WDR25: variants seen among roughly 807,000 people sequenced by gnomAD.
WDR25 encodes the protein WD repeat domain 25.
In WDR25, 35 loss-of-function variants were observed where a neutral mutation model predicts 47.7. The ratio of observed to expected loss-of-function variants is 0.73; its 90% confidence interval spans 0.56 to 0.97. The LOEUF is 0.97. Ranked by LOEUF, WDR25 falls within the 50% of genes least tolerant of loss-of-function variation. The pLI, the probability that WDR25 is intolerant of heterozygous loss-of-function variation, is 0.00. For synonymous variants in WDR25, 248 were observed against 278.9 expected (o/e 0.89, Z 1.10); for missense variants, 634 against 704.7 (o/e 0.90, Z 1.14).
At chr14:100,485,788 C>T (rs928988525) in intron 4 of WDR25, among the ~76,000 whole-genome samples, 30 of 152,150 alleles carry the variant, frequency 2.0e-4, no homozygotes, top group Admixed American at 1.8e-3. Flanking sequence ...TGGCTGGCAC[C>T]GGAAGACCCT....
intron 2 of WDR25, among the ~76,000 whole-genome samples, chr14:100,385,754 C>A (rs1231749114): frequency 6.6e-6 from 1 of 152,142 alleles, no homozygotes; most frequent in South Asian, 2.1e-4. Context: ...GCACGGATAC[C>A]CTTTTATATA....
At chr14:100,438,318 T>C (rs1008476424) in intron 2 of WDR25, among the ~76,000 whole-genome samples, 7 of 152,230 alleles carry the variant, frequency 4.6e-5, no homozygotes, top group African/African-American at 1.7e-4. Context: ...CCAATGAAGA[T>C]ATGACTCTTA....
chr14:100,443,341 C>A (rs2140250017), intron 2 of WDR25, among the ~76,000 whole-genome samples: 1 of 151,736 alleles, frequency 6.6e-6, no homozygotes, highest in Admixed American at 6.6e-5. Flanking sequence ...AAAGGAGAGT[C>A]ACACACAAGC....
intron 2 of WDR25, among the ~76,000 whole-genome samples, chr14:100,416,434 C>T (rs1006455692): frequency 1.3e-5 from 2 of 152,226 alleles, no homozygotes; most frequent in Admixed American, 6.5e-5. Context: ...GCAAACCAAC[C>T]CATGTCACCG....
At chr14:100,411,736 G>A (rs926533733) in intron 2 of WDR25, among the ~76,000 whole-genome samples, 6 of 152,004 alleles carry the variant, frequency 3.9e-5, no homozygotes, top group Non-Finnish European at 8.8e-5. Flanking sequence ...AGGTTTCACC[G>A]TGTTGGCCAG....
chr14:100,450,896 A>G (rs1356291773), intron 2 of WDR25, among the ~76,000 whole-genome samples: 1 of 152,150 alleles, frequency 6.6e-6, no homozygotes, highest in Admixed American at 6.5e-5. Context: ...AAAGCACTTC[A>G]CAGTCCCTAC....
chr14:100,435,235 G>A (rs1898465239), intron 2 of WDR25, among the ~76,000 whole-genome samples: 1 of 152,196 alleles, frequency 6.6e-6, no homozygotes, highest in Admixed American at 6.5e-5. Context: ...TGAATGACGG[G>A]TGTACTTGCT....
chr14:100,411,537 C>CT (rs766546637), intron 2 of WDR25, among the ~76,000 whole-genome samples: 6,564 of 143,006 alleles, frequency 0.046, 226 homozygotes, highest in East Asian at 0.13. Flanking sequence ...TTGCTTTTTG[C>CT]TTTTTTTTTT....
At chr14:100,452,339 C>T (rs1899063192) in intron 2 of WDR25, among the ~76,000 whole-genome samples, 1 of 152,170 alleles carries the variant, frequency 6.6e-6, no homozygotes, top group African/African-American at 2.4e-5. Flanking sequence ...GTGTCCTTAC[C>T]CCCATGGAAC....
chr14:100,526,678 T>C (rs75269532), intron 5 of WDR25, among the ~76,000 whole-genome samples: 3,204 of 150,964 alleles, frequency 0.021, 105 homozygotes, highest in African/African-American at 0.065. Context: ...ACCACCAGTG[T>C]CATCACTGCC....
rs1897460420 is a variant in WDR25 at position 100,404,064 on chromosome 14, G to A, written c.822+22318G>A. Among the ~76,000 whole-genome samples the A allele has an allele frequency of 6.6e-6, 1 of 152,220 alleles. No individual in the cohort carries two copies. Among genetic ancestry groups the A allele is most frequent in the Non-Finnish European group, 1.5e-5 (1 of 68,048 alleles). On this transcript the variant is annotated intron_variant, in intron 2 of 6. Transcript: ENST00000402312. This position sits in a 1 kb window ranked among gnomAD's most constrained non-coding sequence, Gnocchi z 4.6. Reference sequence around the variant, plus strand: ...AGTATCACAAGAGCTCAAGGTGGCTGCTCCCTGACATTCACTTTTGGTAGC... The same window carrying A: ...AGTATCACAAGAGCTCAAGGTGGCTACTCCCTGACATTCACTTTTGGTAGC...
intron 1 of WDR25, among the ~76,000 whole-genome samples, chr14:100,377,467 A>ATTT (rs553180990): frequency 0.035 from 5,113 of 145,526 alleles, 124 homozygotes; most frequent in East Asian, 0.077. Flanking sequence ...ACACGGCTAA[A>ATTT]TTTTTTTTTT....
intron 4 of WDR25, among the ~76,000 whole-genome samples, chr14:100,493,987 A>G (rs1277751104): frequency 6.6e-6 from 1 of 152,224 alleles, no homozygotes; most frequent in Non-Finnish European, 1.5e-5. Flanking sequence ...CTCTGTTGAG[A>G]TATCCTCAAG....
intron 3 of WDR25, among the ~76,000 whole-genome samples, chr14:100,474,470 C>T (rs530547525): frequency 3.3e-5 from 5 of 152,098 alleles, no homozygotes; most frequent in African/African-American, 4.8e-5. Flanking sequence ...TGATGTCTGG[C>T]GTGTGTGTGT....
At chr14:100,521,203 C>CACACACAG (rs796527457) in intron 4 of WDR25, among the ~76,000 whole-genome samples, 3 of 149,970 alleles carry the variant, frequency 2.0e-5, no homozygotes, top group African/African-American at 7.4e-5. Flanking sequence ...CACACACACA[C>CACACACAG]AGAGAGAGAG....
At chr14:100,497,504 A>C (rs995354866) in intron 4 of WDR25, among the ~76,000 whole-genome samples, 1 of 152,214 alleles carries the variant, frequency 6.6e-6, no homozygotes, top group Admixed American at 6.5e-5. Context: ...AACAAACAAA[A>C]AAAGAAATCA....
At chr14:100,384,254 T>C (rs1329465961) in intron 2 of WDR25, among the ~76,000 whole-genome samples, 1 of 152,264 alleles carries the variant, frequency 6.6e-6, no homozygotes. Context: ...TTATAAGCCA[T>C]AGATACAAAT....
chr14:100,493,791 A>C (rs1900642013), intron 4 of WDR25, among the ~76,000 whole-genome samples: 1 of 152,180 alleles, frequency 6.6e-6, no homozygotes, highest in Non-Finnish European at 1.5e-5. Context: ...ATGTGATGAT[A>C]TTAGGAGGCG....
intron 4 of WDR25, among the ~76,000 whole-genome samples, chr14:100,522,265 G>C (rs1286972669): frequency 2.0e-5 from 3 of 151,972 alleles, no homozygotes; most frequent in African/African-American, 7.3e-5. Flanking sequence ...ATATAGTCCA[G>C]TTTATTCAAC....
Sources: allele counts gnomAD v4.1 joint callset (sites outside exome capture counted in the v4.1 genomes callset), GRCh38; gene constraint gnomAD v4.1.1; non-coding constraint Gnocchi (gnomAD v3.1); transcripts MANE v1.5; gene names NCBI Gene and HGNC (gene_info 2026-07-23, HGNC 2026-07-21).